ELAC2: variants seen among roughly 807,000 people sequenced by gnomAD.
ELAC2 encodes the protein elaC ribonuclease Z 2.
In ELAC2, 92 loss-of-function variants were observed where a neutral mutation model predicts 105.2. The observed-to-expected ratio is 0.87, with a 90% CI of 0.74 to 1.04. The LOEUF is 1.04. ELAC2 is among the 50% of genes least tolerant of loss of function. The pLI is 0.00. For missense variants in ELAC2, 1,099 were observed against 1,071.7 expected (o/e 1.03, Z -0.36); for synonymous variants, 468 against 409.1 (o/e 1.14, Z -1.74).
chr17:12,996,682 G>C lies in ELAC2; in HGVS notation c.1524C>G (p.Pro508=). 1 of 1,613,214 alleles carries C rather than the reference G, an allele frequency of 6.2e-7. No homozygotes were observed. The highest frequency in any genetic ancestry group is 8.5e-7 in the Non-Finnish European group (1 of 1,179,770). ...NVSATLVNIS[P]DTSLLLDCGE... is the part of the protein sequence containing the mutation. ...CACAGTCCAGTAGCAGAGACGTGTC[G>C]GGGCTGCAGAAGAGAAGAGGAAGAG... The change falls in exon 17 of 24, where the codon CCC becomes CCG. Residue 508 remains proline, a synonymous_variant. Transcript: ENST00000338034.
At chr17:12,999,895 G>A (rs563087094) in intron 15 of ELAC2, among the ~76,000 whole-genome samples, 2 of 152,300 alleles carry the variant, frequency 1.3e-5, no homozygotes, top group South Asian at 2.1e-4. Context: ...CCGACCTCGC[G>A]ATCCACCTGC....
At chr17:13,011,859 G>A in intron 6 of ELAC2, 77 bp from the exon 7 acceptor site, 1 of 1,609,328 alleles carries the variant, frequency 6.2e-7, no homozygotes, top group Non-Finnish European at 8.5e-7. Flanking sequence ...TTCATACATG[G>A]GAATGCCAGA....
At chr17:12,994,533 A>G (rs1249611686) in intron 21 of ELAC2, 30 bp from the exon 22 acceptor site, 1 of 1,613,740 alleles carries the variant, frequency 6.2e-7, no homozygotes, top group Non-Finnish European at 8.5e-7. Flanking sequence ...ATCAGGGCAG[A>G]GTTCTCTGCG....
chr17:13,005,900 A>C (rs550817524), intron 9 of ELAC2, 21 bp downstream of exon 9: 6 of 1,614,192 alleles, frequency 3.7e-6, no homozygotes, highest in Non-Finnish European at 5.1e-6. Context: ...AGTCCCCAGA[A>C]GCCTTACCCC....
Position 12,998,503 on chromosome 17 carries a change from T to C in ELAC2, c.1429A>G (p.Arg477Gly). The change falls in exon 16 of 24, where the codon AGA becomes GGA. Residue 477 changes from arginine to glycine, a missense_variant. Coordinates refer to ENST00000338034, the MANE Select transcript of ELAC2 (RefSeq NM_018127.7). ...AAGATGATTTCTGGGTACTGACTTC[T>C]TTTCTCTGTGAAAAAATCCATGTGA... is the stretch of plus-strand genomic sequence containing the variant. Reference protein sequence around the residue: ...AQDGPAPAEKRSQYPEIIFLG... With the variant: ...AQDGPAPAEKGSQYPEIIFLG... 1 of 1,614,070 alleles carries C rather than the reference T, an allele frequency of 6.2e-7. No homozygotes were observed. Among genetic ancestry groups the C allele is most frequent in the South Asian group, 1.1e-5 (1 of 91,080 alleles).
At chr17:12,993,886 G>A in intron 22 of ELAC2, 55 bp from the exon 23 acceptor site, 1 of 1,612,258 alleles carries the variant, frequency 6.2e-7, no homozygotes, top group Non-Finnish European at 8.5e-7. Context: ...AGACTGCAAA[G>A]CAGACAGTGG....
In ELAC2 at chr17:13,018,025, C is replaced by G; in HGVS notation, c.-78G>C. On this transcript the variant is annotated 5_prime_UTR_variant, in exon 1 of 24. The change abolishes an upstream ATG in the 5' untranslated region. Coordinates refer to ENST00000338034, the MANE Select transcript of ELAC2 (RefSeq NM_018127.7). Reference sequence around the variant, plus strand: ...TCCCGTGCACCACCTAGCCGCTCCGCATGGCGGATCCAGCCAATCAGCGCG... The same window carrying G: ...TCCCGTGCACCACCTAGCCGCTCCGGATGGCGGATCCAGCCAATCAGCGCG... 1 of 1,529,952 alleles carries G rather than the reference C, an allele frequency of 6.5e-7. No homozygotes were observed. Among genetic ancestry groups the G allele is most frequent in the African/African-American group, 1.4e-5 (1 of 72,960 alleles). The allele number at this position is 1,529,952 out of a possible 1,614,324, so 94.8% of individuals were successfully genotyped here. A position where few individuals can be genotyped will look rare whatever the true frequency, so the allele number is the denominator to read the frequency against.
At chr17:13,000,396 ACT>A in intron 14 of ELAC2, 122 bp from the exon 15 acceptor site, 1 of 907,914 alleles carries the variant, frequency 1.1e-6, no homozygotes, top group Admixed American at 1.8e-5. Flanking sequence ...TCAGATCAAC[ACT>A]GAAGGTTAAG....
rs1024497303 is a variant in ELAC2 at position 13,017,960 on chromosome 17, A to C, written c.-13T>G. 3.9e-6 allele frequency: 6 copies of C among 1,535,540 alleles called. No individual in the cohort carries two copies. The highest frequency in any genetic ancestry group is 1.4e-5 in the African/African-American group (1 of 72,938). On this transcript the variant is annotated 5_prime_UTR_variant, in exon 1 of 24. Transcript: ENST00000338034. ...AAAGCGCCCACATGCGCCCGTCTCC[A>C]CCAAAACTGAGAAAGCCGCCGGTCA...
chr17:13,005,893 C>G, intron 9 of ELAC2, 28 bp downstream of exon 9: 1 of 1,614,074 alleles, frequency 6.2e-7, no homozygotes, highest in Non-Finnish European at 8.5e-7. Flanking sequence ...CCCAGTGAGT[C>G]CCCAGAAGCC....
chr17:13,016,218 C>T (rs2041712934), intron 3 of ELAC2, among the ~76,000 whole-genome samples: 1 of 152,244 alleles, frequency 6.6e-6, no homozygotes, highest in African/African-American at 2.4e-5. Flanking sequence ...GGCTGCAACA[C>T]AATCCTGACC....
chr17:13,013,080 A>T (rs1331019847), intron 6 of ELAC2, 127 bp downstream of exon 6: 2 of 1,096,366 alleles, frequency 1.8e-6, no homozygotes, highest in Admixed American at 3.9e-5. Context: ...CCTCAACTAA[A>T]TTTTCTAATC....
rs756430924 is a variant in ELAC2 at position 13,011,654 on chromosome 17, T to C, written c.679+9A>G. On this transcript the variant is annotated intron_variant, in intron 7 of 23. Coordinates refer to ENST00000338034, the MANE Select transcript of ELAC2 (RefSeq NM_018127.7). Reference sequence around the variant, plus strand: ...CCTTTCTGCTGCTCTGTTTTGTTTATACTATTACCATGTGGAAGGTGTGGC... The same window carrying C: ...CCTTTCTGCTGCTCTGTTTTGTTTACACTATTACCATGTGGAAGGTGTGGC... 4.5e-5 allele frequency: 73 copies of C among 1,614,114 alleles called. 1 individual carries two copies. The highest frequency in any genetic ancestry group is 1.6e-4 in the Middle Eastern group (1 of 6,084).
At chr17:12,994,732 C>A in intron 21 of ELAC2, 32 bp downstream of exon 21, 1 of 1,613,550 alleles carries the variant, frequency 6.2e-7, no homozygotes, top group Non-Finnish European at 8.5e-7. Context: ...CCCAGAGCAA[C>A]CTCAGGGTGG....
At chr17:13,001,611 C>T (rs56369392) in intron 14 of ELAC2, among the ~76,000 whole-genome samples, 40,656 of 152,080 alleles carry the variant, frequency 0.27, 5,684 homozygotes, top group Middle Eastern at 0.33. Flanking sequence ...AAGATGGCAT[C>T]TTACATTTAT....
At chr17:12,998,532 A>G in intron 15 of ELAC2, 24 bp from the exon 16 acceptor site, 1 of 1,604,090 alleles carries the variant, frequency 6.2e-7, no homozygotes, top group South Asian at 1.1e-5. Context: ...CATGTGAAAC[A>G]ATCCATTCCT....
At chr17:12,996,747 T>C in intron 16 of ELAC2, 62 bp from the exon 17 acceptor site, 1 of 1,591,452 alleles carries the variant, frequency 6.3e-7, no homozygotes, top group South Asian at 1.1e-5. Context: ...GTTCAGAGGC[T>C]GATGTCTGCT....
At position 13,011,776 on chromosome 17, in the gene ELAC2, T is replaced by C. The variant is rs779337966; in HGVS notation, c.566A>G (p.Gln189Arg). The C allele has an allele frequency of 7.4e-6, 12 of 1,614,050 alleles. No homozygotes were observed. The highest frequency in any genetic ancestry group is 8.5e-6 in the Non-Finnish European group (10 of 1,180,042). Residue 189 changes from glutamine (Q) to arginine (R), a missense_variant, in exon 7 of 24, where the codon CAG becomes CGG. Transcript: ENST00000338034. ...TVYQIPIHSEQRRGKHQPWQS... is the reference protein window; with the variant it reads ...TVYQIPIHSERRRGKHQPWQS... Reference sequence around the variant, plus strand: ...CCATGGTTGGTGCTTTCCCCTCCTCTGTTCACCTGGTCAGTACAGATACCA... The same window carrying C: ...CCATGGTTGGTGCTTTCCCCTCCTCCGTTCACCTGGTCAGTACAGATACCA...
intron 6 of ELAC2, among the ~76,000 whole-genome samples, chr17:13,012,197 C>T (rs1434995403): frequency 2.0e-5 from 3 of 152,286 alleles, no homozygotes; most frequent in Non-Finnish European, 1.5e-5. Flanking sequence ...ACAGCTGCAA[C>T]GAGAATGAAC....
Sources: gnomAD v4.1 joint callset for allele counts (sites outside exome capture counted in the v4.1 genomes callset) on GRCh38, gnomAD v4.1.1 for gene constraint, MANE v1.5 for transcripts, NCBI Gene and HGNC (gene_info 2026-07-23, HGNC 2026-07-21) for gene names.